The following BLNK variants were observed in gnomAD, a reference collection of about 807,000 sequenced individuals.
The protein encoded by BLNK is B cell linker.
BLNK carries 29 observed loss-of-function variants against 73.5 expected under a neutral mutation model. The observed-to-expected ratio is 0.39, with a 90% confidence interval of 0.29 to 0.54. The LOEUF (loss-of-function observed/expected upper bound fraction) is 0.54. BLNK is among the 20% of genes least tolerant of loss of function. The probability of loss-of-function intolerance (pLI) is 0.61; values close to 1 mark genes in which losing one functional copy is unlikely to be tolerated. For missense variants in BLNK, 460 were observed against 562.8 expected, an observed-to-expected ratio of 0.82 and a Z score of 1.85; for synonymous variants, 176 against 200.8, an observed-to-expected ratio of 0.88 and a Z score of 1.04.
At chr10:96,224,708 A>AT (rs1554902075) in intron 5 of BLNK, among the ~76,000 whole-genome samples, 1 of 151,764 alleles carries the variant, frequency 6.6e-6, no homozygotes, top group African/African-American at 2.4e-5. Flanking sequence ...TTAATTTTTT[A>AT]TTTTTTTGAG....
At position 96,223,781 on chromosome 10, in the gene BLNK, C is replaced by T. The variant is rs1214529240; in HGVS notation, c.525+45G>A. The stretch of plus-strand genomic sequence containing the variant: ...CAGGCTGTCCTGGTCGCTTGCCCCA[C>T]CCCCCTCTGTGTCCTGGGAAGCCTT... On this transcript the variant is annotated intron_variant, in intron 6 of 16. Coordinates refer to ENST00000224337, the MANE Select transcript of BLNK (RefSeq NM_013314.4). 8 of 1,606,812 alleles carry T rather than the reference C, an allele frequency of 5.0e-6. No homozygotes were observed. The African/African-American group carries it at 1.1e-4, about 22-fold the overall frequency.
rs1386672380 is a variant in BLNK, at chr10:96,191,233, C to CTGTT, written c.*739_*740insAACA. On this transcript the variant is annotated 3_prime_UTR_variant, in exon 17 of 17. Transcript: ENST00000224337. ...ATGTGGAACTGTGAGTCCATTAAAC[C>CTGTT]TCTTTTTTTTTTTTTTTTTTTATGT... Among the ~76,000 whole-genome samples, 1 of 106,610 alleles carries CTGTT rather than the reference C, an allele frequency of 9.4e-6. No homozygotes were observed. The highest frequency in any genetic ancestry group is 3.8e-5 in the African/African-American group (1 of 26,108). 69.9% of individuals were successfully genotyped at this position (106,610 alleles called of 152,430 possible).
At chr10:96,252,457 A>G (rs776848487) in intron 1 of BLNK, among the ~76,000 whole-genome samples, 25 of 152,126 alleles carry the variant, frequency 1.6e-4, no homozygotes, top group South Asian at 4.1e-4. Flanking sequence ...TGGGCCTTTT[A>G]GTTGTGCCCA....
intron 2 of BLNK, 26 bp from the exon 3 acceptor site, chr10:96,242,810 AG>A: frequency 5.0e-6 from 8 of 1,598,706 alleles, no homozygotes; most frequent in Non-Finnish European, 6.9e-6. Context: ...ATGAGACAAA[AG>A]GTCAGTGAGC....
In BLNK at chr10:96,262,518, G is replaced by C. The variant is rs575845747; in HGVS notation, c.47+8834C>G. Among the ~76,000 whole-genome samples the C allele has an allele frequency of 2.0e-5, 3 of 152,348 alleles. No individual in the cohort carries two copies. In the East Asian group the frequency reaches 5.8e-4, roughly 29 times the overall value. On this transcript the variant is annotated intron_variant, in intron 1 of 16. Coordinates refer to ENST00000224337, the MANE Select transcript of BLNK (RefSeq NM_013314.4). The stretch of plus-strand genomic sequence containing the variant: ...CAAAGACCACAAGCTGGTAAGTGCA[G>C]AGCAAATGTTCAAATCCACATCTGC...
intron 15 of BLNK, among the ~76,000 whole-genome samples, chr10:96,198,288 C>A (rs182362987): frequency 2.2e-4 from 33 of 152,124 alleles, no homozygotes; most frequent in Non-Finnish European, 1.5e-4. Flanking sequence ...CAAAAAAGAT[C>A]CAAAACGCAT....
intron 3 of BLNK, among the ~76,000 whole-genome samples, chr10:96,233,606 G>A (rs1211628128): frequency 1.3e-5 from 2 of 152,106 alleles, no homozygotes; most frequent in Admixed American, 6.5e-5. Context: ...TGCTCGTGCC[G>A]TTCCTGCAGC....
chr10:96,251,768 TA>T (rs1554909181), intron 1 of BLNK, among the ~76,000 whole-genome samples: 1 of 152,232 alleles, frequency 6.6e-6, no homozygotes, highest in East Asian at 1.9e-4. Context: ...CTTTTGTTTT[TA>T]ATTTTCAAGC....
At chr10:96,210,463 G>A (rs890943913) in intron 8 of BLNK, among the ~76,000 whole-genome samples, 34 of 152,252 alleles carry the variant, frequency 2.2e-4, no homozygotes, top group African/African-American at 8.2e-4. Flanking sequence ...AAGGGCTTTC[G>A]CCGACAGGTT....
intron 1 of BLNK, among the ~76,000 whole-genome samples, chr10:96,257,364 T>C (rs1369564230): frequency 6.6e-6 from 1 of 152,084 alleles, no homozygotes; most frequent in African/African-American, 2.4e-5. Context: ...GGGACACCAG[T>C]ATGGAGGCAA....
At position 96,250,761 on chromosome 10, in the gene BLNK, A is replaced by G. The variant is rs139140590; in HGVS notation, c.48-3712T>C. Among the ~76,000 whole-genome samples the G allele has an allele frequency of 2.8e-3, 428 of 152,358 alleles. 2 individuals carry two copies. The East Asian group carries it at 0.03, about 11-fold the overall frequency. ...TGGATGCAATTTTGTCATTTGCTCA[A>G]TTTGGCATTTGGTGCTTCTTGGCAT... On this transcript the variant is annotated intron_variant, in intron 1 of 16. Coordinates refer to ENST00000224337, the MANE Select transcript of BLNK (RefSeq NM_013314.4).
chr10:96,209,710 G>T (rs1351690325), intron 9 of BLNK, 128 bp downstream of exon 9: 4 of 1,150,788 alleles, frequency 3.5e-6, no homozygotes, highest in Admixed American at 1.7e-5. Flanking sequence ...TGTTAGCAGG[G>T]CTCCTTACTC....
intron 1 of BLNK, among the ~76,000 whole-genome samples, chr10:96,270,844 G>A (rs1844240879): frequency 6.6e-6 from 1 of 152,090 alleles, no homozygotes; most frequent in Admixed American, 6.5e-5. Context: ...TTGACATGAG[G>A]GCATTGGAAA....
At chr10:96,214,949 C>G (rs1318863105) in intron 8 of BLNK, among the ~76,000 whole-genome samples, 1 of 152,120 alleles carries the variant, frequency 6.6e-6, no homozygotes, top group Non-Finnish European at 1.5e-5. Context: ...ACGGGGCACA[C>G]TGGGGTTCCA....
intron 5 of BLNK, 44 bp from the exon 6 acceptor site, chr10:96,224,033 G>C: frequency 6.2e-7 from 1 of 1,609,256 alleles, no homozygotes. Flanking sequence ...AGAGGCTCTG[G>C]ATCATTTCCT....
intron 8 of BLNK, among the ~76,000 whole-genome samples, 183 bp downstream of exon 8, chr10:96,215,137 CA>C: frequency 6.6e-6 from 1 of 152,122 alleles, no homozygotes; most frequent in East Asian, 1.9e-4. Context: ...TAGCAGATGC[CA>C]AAAGGCCTGG....
At chr10:96,253,797 T>C (rs988961698) in intron 1 of BLNK, among the ~76,000 whole-genome samples, 22 of 151,842 alleles carry the variant, frequency 1.4e-4, no homozygotes, top group South Asian at 8.3e-4. Flanking sequence ...GGGCCGATCA[T>C]GAGGTCAGGA....
chr10:96,216,829 G>C, intron 6 of BLNK, 95 bp from the exon 7 acceptor site: 1 of 1,005,176 alleles, frequency 9.9e-7, no homozygotes, highest in East Asian at 2.5e-5. Context: ...TTATTGAGAC[G>C]CAATTCACAT....
At chr10:96,221,809 T>G (rs1554901207) in intron 6 of BLNK, among the ~76,000 whole-genome samples, 2 of 152,298 alleles carry the variant, frequency 1.3e-5, no homozygotes, top group Admixed American at 6.5e-5. Context: ...ATTCCCACCC[T>G]TGAAAGGACA....
Sources: allele counts gnomAD v4.1 joint callset (sites outside exome capture counted in the v4.1 genomes callset), GRCh38; gene constraint gnomAD v4.1.1; transcripts MANE v1.5; gene names NCBI Gene and HGNC (gene_info 2026-07-23, HGNC 2026-07-21).